The following KCNT2 variants were observed in gnomAD, a reference collection of about 807,000 sequenced individuals.
KCNT2 encodes the protein potassium sodium-activated channel subfamily T member 2.
A neutral mutation model predicts 153.8 loss-of-function variants in KCNT2; 67 were observed. The observed-to-expected ratio is 0.44, with a 90% confidence interval of 0.36 to 0.53. The LOEUF (loss-of-function observed/expected upper bound fraction) is 0.53. KCNT2 is among the 20% of genes least tolerant of loss of function. The pLI is 0.00. For synonymous variants in KCNT2, 500 were observed against 458.8 expected, an observed-to-expected ratio of 1.09 and a Z score of -1.15; for missense variants, 975 against 1,354.8, an observed-to-expected ratio of 0.72 and a Z score of 4.40.
intron 26 of KCNT2, among the ~76,000 whole-genome samples, chr1:196,251,410 T>C (rs940767062): frequency 1.3e-5 from 2 of 152,062 alleles, no homozygotes; most frequent in African/African-American, 2.4e-5. Context: ...TGCTTGTTTG[T>C]TTTTCTGAGC....
At chr1:196,555,077 G>A (rs1361211254) in intron 1 of KCNT2, among the ~76,000 whole-genome samples, 3 of 151,226 alleles carry the variant, frequency 2.0e-5, no homozygotes, top group African/African-American at 7.2e-5. Context: ...AAGGTTTGGA[G>A]CATAACAAGA....
At chr1:196,325,615 T>A (rs1054032245) in intron 19 of KCNT2, among the ~76,000 whole-genome samples, 2 of 152,142 alleles carry the variant, frequency 1.3e-5, no homozygotes, top group African/African-American at 2.4e-5. Flanking sequence ...TTTAACAAAC[T>A]TTTATTTCTT....
At chr1:196,577,095 G>A (rs1376997680) in intron 1 of KCNT2, among the ~76,000 whole-genome samples, 2 of 151,926 alleles carry the variant, frequency 1.3e-5, no homozygotes, top group Admixed American at 6.6e-5. Flanking sequence ...TGAAAATATG[G>A]TATTCTGTAA....
At position 196,277,857 on chromosome 1, in the gene KCNT2, A is replaced by G. The variant is rs1658719423; in HGVS notation, c.2910+3003T>C. Among the ~76,000 whole-genome samples, 3 of 152,190 alleles carry G rather than the reference A, an allele frequency of 2.0e-5. No individual in the cohort carries two copies. The South Asian group carries it at 6.2e-4, about 32-fold the overall frequency. Reference sequence around the variant, plus strand: ...GTTTTTATATAATCTTAAAAAAATAATGTTTTATTCTTTAAATACAAAAAA... The same window carrying G: ...GTTTTTATATAATCTTAAAAAAATAGTGTTTTATTCTTTAAATACAAAAAA... On this transcript the variant is annotated intron_variant, in intron 25 of 27. Transcript: ENST00000294725.
intron 20 of KCNT2, chr1:196,317,163 C>G: frequency 2.8e-6 from 1 of 358,702 alleles, no homozygotes; most frequent in Non-Finnish European, 5.7e-6. Flanking sequence ...TATTAGGCGA[C>G]AGGGTATTAC....
At chr1:196,556,399 A>G (rs1422746615) in intron 1 of KCNT2, among the ~76,000 whole-genome samples, 2 of 151,414 alleles carry the variant, frequency 1.3e-5, no homozygotes, top group African/African-American at 4.8e-5. Context: ...ATGAGAAGGA[A>G]CTCAACATCA....
chr1:196,338,948 CAAAAAAAAAAAAA>C (rs976388530), intron 16 of KCNT2, among the ~76,000 whole-genome samples: 2 of 37,732 alleles, frequency 5.3e-5, no homozygotes, highest in East Asian at 1.3e-3. Flanking sequence ...TGCTTTTTAG[CAAAAAAAAAAAAA>C]AAAAAAAAAA....
intron 17 of KCNT2, among the ~76,000 whole-genome samples, chr1:196,332,840 A>C (rs1313149976): frequency 6.7e-6 from 1 of 149,160 alleles, no homozygotes; most frequent in Non-Finnish European, 1.5e-5. Context: ...GCTGGACTGC[A>C]GTGGCAGGAT....
chr1:196,591,735 TA>T (rs749290493), intron 1 of KCNT2, among the ~76,000 whole-genome samples: 5 of 152,174 alleles, frequency 3.3e-5, no homozygotes, highest in Non-Finnish European at 5.9e-5. Flanking sequence ...AAGTACTTCT[TA>T]TGCATTATCC....
At chr1:196,366,185 G>A (rs954293685) in intron 14 of KCNT2, among the ~76,000 whole-genome samples, 1 of 150,124 alleles carries the variant, frequency 6.7e-6, no homozygotes, top group African/African-American at 2.5e-5. Flanking sequence ...TTGAGACAGA[G>A]TTTCGCTCTT....
intron 19 of KCNT2, among the ~76,000 whole-genome samples, chr1:196,322,953 A>G (rs1663474130): frequency 6.6e-6 from 1 of 151,946 alleles, no homozygotes; most frequent in African/African-American, 2.4e-5. Flanking sequence ...GGCAGAAGAA[A>G]AAAATGATGT....
intron 27 of KCNT2, 49 bp downstream of exon 27, chr1:196,235,937 G>C (rs1292853686): frequency 1.8e-6 from 2 of 1,121,752 alleles, no homozygotes. Context: ...AAAATAAATA[G>C]TAGTTTTCTA....
intron 1 of KCNT2, among the ~76,000 whole-genome samples, chr1:196,513,938 A>G (rs748530483): frequency 6.6e-6 from 1 of 152,222 alleles, no homozygotes; most frequent in Admixed American, 6.5e-5. Flanking sequence ...AGAGCAAAGT[A>G]GAAGCCTCTA....
At chr1:196,251,051 G>A (rs1423647057) in intron 26 of KCNT2, among the ~76,000 whole-genome samples, 1 of 151,982 alleles carries the variant, frequency 6.6e-6, no homozygotes, top group African/African-American at 2.4e-5. Context: ...CCACTATGAG[G>A]AGAACAGTTG....
At chr1:196,317,980 A>G (rs1662894266) in intron 20 of KCNT2, among the ~76,000 whole-genome samples, 1 of 151,362 alleles carries the variant, frequency 6.6e-6, no homozygotes, top group Non-Finnish European at 1.5e-5. Flanking sequence ...TTATTTTTCT[A>G]TTTACTACTG....
chr1:196,465,010 T>C (rs962992642), intron 8 of KCNT2, among the ~76,000 whole-genome samples: 6 of 152,020 alleles, frequency 3.9e-5, no homozygotes, highest in Non-Finnish European at 7.4e-5. Context: ...TTGACAACTA[T>C]GGGATGCAAT....
intron 8 of KCNT2, among the ~76,000 whole-genome samples, chr1:196,455,215 A>G (rs1314162731): frequency 6.6e-6 from 1 of 151,996 alleles, no homozygotes; most frequent in Non-Finnish European, 1.5e-5. Context: ...CACCTGGATA[A>G]CCCAGGATAA....
At chr1:196,416,519 T>C (rs3927686) in intron 12 of KCNT2, among the ~76,000 whole-genome samples, 105,962 of 151,806 alleles carry the variant, frequency 0.7, 37,066 homozygotes, top group Middle Eastern at 0.77. Context: ...ACTGTACCTA[T>C]TGACCCCTTG....
chr1:196,272,288 A>G (rs910954741), intron 25 of KCNT2, among the ~76,000 whole-genome samples: 1 of 151,888 alleles, frequency 6.6e-6, no homozygotes, highest in Non-Finnish European at 1.5e-5. Context: ...CGGATTCTTT[A>G]TCATGTGAGT....
Sources: gnomAD v4.1 joint callset for allele counts (sites outside exome capture counted in the v4.1 genomes callset) on GRCh38, gnomAD v4.1.1 for gene constraint, MANE v1.5 for transcripts, NCBI Gene and HGNC (gene_info 2026-07-23, HGNC 2026-07-21) for gene names.